The following CIAO1 variants were observed in gnomAD, a reference collection of about 807,000 sequenced individuals.
The protein encoded by CIAO1 is probable cytosolic iron-sulfur protein assembly protein CIAO1.
In CIAO1, 32 loss-of-function variants were observed where a neutral mutation model predicts 43.1. The ratio of observed to expected loss-of-function variants is 0.74; its 90% confidence interval spans 0.56 to 1.00. CIAO1 has a LOEUF of 1.00. CIAO1 is among the 50% of genes least tolerant of loss of function. The pLI is 0.00. For missense variants in CIAO1, 415 were observed against 437.4 expected (o/e 0.95, Z 0.46); for synonymous variants, 183 against 171.4 (o/e 1.07, Z -0.53).
At position 96,272,928 on chromosome 2, in the gene CIAO1, CAGTTG is replaced by C. The variant is rs1684581979; in HGVS notation, c.*1583_*1587del. ...GGTGCCTTGAGGAAAAGCAGTTACA[CAGTTG>C]AGTTGCAAGCTGAATTGGCTGTGTT... On this transcript the variant is annotated 3_prime_UTR_variant, in exon 7 of 7. Transcript: ENST00000488633. The C allele has an allele frequency of 6.6e-6, 1 of 152,186 alleles. No homozygotes were observed. Among genetic ancestry groups the C allele is most frequent in the African/African-American group, 2.4e-5 (1 of 41,456 alleles). The allele number at this position is 152,186 out of a possible 1,614,324, so 9.4% of individuals were successfully genotyped here.
chr2:96,270,372 G>T (rs1179444048), intron 6 of CIAO1, among the ~76,000 whole-genome samples: 1 of 152,094 alleles, frequency 6.6e-6, no homozygotes, highest in Non-Finnish European at 1.5e-5. Flanking sequence ...GGGCGTGTTG[G>T]CACGCACCCA....
At position 96,269,342 on chromosome 2, in the gene CIAO1, T is replaced by C; in HGVS notation, c.766T>C (p.Tyr256His). The C allele has an allele frequency of 6.2e-7, 1 of 1,614,082 alleles. No individual in the cohort carries two copies. The highest frequency in any genetic ancestry group is 8.5e-7 in the Non-Finnish European group (1 of 1,179,950). Residue 256 changes from tyrosine (Y) to histidine (H), a missense_variant, in exon 6 of 7, where the codon TAT becomes CAT. By Grantham distance (83) the Tyr-to-His change is moderately conservative (BLOSUM62 2). Coordinates refer to ENST00000488633, the MANE Select transcript of CIAO1 (RefSeq NM_004804.3). ...TLSGFHSRTI[Y>H]DIAWCQLTGA... ...GTCCGGCTTCCACTCAAGGACCATT[T>C]ATGACATTGCTTGGTAAGACTCCAT...
Position 96,271,579 on chromosome 2 carries a change from A to C in CIAO1, c.*228A>C. The C allele has an allele frequency of 1.9e-6, 1 of 532,970 alleles. No homozygotes were observed. Among genetic ancestry groups the C allele is most frequent in the Non-Finnish European group, 3.3e-6 (1 of 302,244 alleles). 33.0% of individuals were successfully genotyped at this position (532,970 alleles called of 1,614,324 possible). A position where few individuals can be genotyped will look rare whatever the true frequency, so the allele number is the denominator to read the frequency against. On this transcript the variant is annotated 3_prime_UTR_variant, in exon 7 of 7. Coordinates refer to ENST00000488633, the MANE Select transcript of CIAO1 (RefSeq NM_004804.3). ...ACATGAGTACATTGTTATACCACAGATTTTTCTTGCATTAGGGCACAGTGT... is the reference window on the plus strand; with the variant it reads ...ACATGAGTACATTGTTATACCACAGCTTTTTCTTGCATTAGGGCACAGTGT...
At chr2:96,268,794 A>G in intron 5 of CIAO1, 136 bp downstream of exon 5, 1 of 801,200 alleles carries the variant, frequency 1.2e-6, no homozygotes, top group Non-Finnish European at 2.0e-6. Context: ...AGAGTGCTGG[A>G]AGAATCAGGA....
intron 1 of CIAO1, 108 bp from the exon 2 acceptor site, chr2:96,267,213 C>A: frequency 2.2e-6 from 2 of 914,562 alleles, no homozygotes; most frequent in Non-Finnish European, 3.0e-6. Flanking sequence ...GTGAAATACA[C>A]TCCCTGAGCT....
intron 6 of CIAO1, 39 bp downstream of exon 6, chr2:96,269,394 A>G (rs1432935963): frequency 6.4e-7 from 1 of 1,571,622 alleles, no homozygotes; most frequent in Admixed American, 1.7e-5. Flanking sequence ...ATCCCCATAA[A>G]TCAGGGATTT....
At position 96,271,383 on chromosome 2, in the gene CIAO1, C is replaced by T. The variant is rs748078801; in HGVS notation, c.*32C>T. 92 of 1,603,676 alleles carry T rather than the reference C, an allele frequency of 5.7e-5. No homozygotes were observed. Among genetic ancestry groups the T allele is most frequent in the Middle Eastern group, 3.5e-4 (2 of 5,696 alleles). The stretch of plus-strand genomic sequence containing the variant: ...TCGACTTTGGACAGAGTAATGACTC[C>T]CCAGAAAACGTCATATAAGACTTTA... On this transcript the variant is annotated 3_prime_UTR_variant, in exon 7 of 7. Transcript: ENST00000488633.
In CIAO1 at chr2:96,271,387, G is replaced by A; in HGVS notation, c.*36G>A. ...CTTTGGACAGAGTAATGACTCCCCA[G>A]AAAACGTCATATAAGACTTTACCAG... On this transcript the variant is annotated 3_prime_UTR_variant, in exon 7 of 7. Coordinates refer to ENST00000488633, the MANE Select transcript of CIAO1 (RefSeq NM_004804.3). 1 of 1,602,768 alleles carries A rather than the reference G, an allele frequency of 6.2e-7. No individual in the cohort carries two copies. Among genetic ancestry groups the A allele is most frequent in the Non-Finnish European group, 8.5e-7 (1 of 1,174,028 alleles).
Position 96,266,276 on chromosome 2 carries a change from C to CA in CIAO1, c.-74dup, listed in dbSNP as rs1558757363. 7.7e-7 allele frequency: 1 copy of CA among 1,293,648 alleles called. No individual in the cohort carries two copies. Among genetic ancestry groups the CA allele is most frequent in the African/African-American group, 1.5e-5 (1 of 64,952 alleles). The allele number at this position is 1,293,648 out of a possible 1,614,324, so 80.1% of individuals were successfully genotyped here. A position where few individuals can be genotyped will look rare whatever the true frequency, so the allele number is the denominator to read the frequency against. On this transcript the variant is annotated 5_prime_UTR_variant, in exon 1 of 7. Coordinates refer to ENST00000488633, the MANE Select transcript of CIAO1 (RefSeq NM_004804.3). ...GCGGAAGCCTGGAGTGGGCGGTACG[C>CA]AGACGCGCGCGGTGAGACCCGCTGT...
At chr2:96,271,052 G>T in intron 6 of CIAO1, 59 bp from the exon 7 acceptor site, 1 of 1,603,788 alleles carries the variant, frequency 6.2e-7, no homozygotes, top group South Asian at 1.1e-5. Flanking sequence ...AGGAACTATG[G>T]AACAGGTCTC....
chr2:96,267,297 G>C, intron 1 of CIAO1, 24 bp from the exon 2 acceptor site: 1 of 1,600,408 alleles, frequency 6.2e-7, no homozygotes, highest in Non-Finnish European at 8.5e-7. Context: ...CAGCTCCAGA[G>C]CCTGGCCTGC....
chr2:96,267,533 T>G, intron 2 of CIAO1, 64 bp downstream of exon 2: 1 of 1,609,226 alleles, frequency 6.2e-7, no homozygotes, highest in South Asian at 1.1e-5. Flanking sequence ...TTCAGGAACC[T>G]GAGCCAACCT....
At position 96,267,731 on chromosome 2, in the gene CIAO1, G is replaced by A. The variant is rs369566253; in HGVS notation, c.395G>A (p.Trp132Ter). 1.2e-6 allele frequency: 2 copies of A among 1,614,032 alleles called. No individual in the cohort carries two copies. The highest frequency in any genetic ancestry group is 1.7e-6 in the Non-Finnish European group (2 of 1,179,998). The change falls in exon 3 of 7, where the codon TGG (tryptophan) becomes TAG (stop). Residue 132 changes from tryptophan (W) to a stop codon, truncating the protein, a stop_gained. Coordinates refer to ENST00000488633, the MANE Select transcript of CIAO1 (RefSeq NM_004804.3). LOFTEE classifies it high-confidence loss of function. ...AGCCGAGATAAGAGCGTTTGGGTCT[G>A]GGAAGGTGAGGCCAGGTCCCTCCAG... ...TCSRDKSVWVWEVDEEDEYEC... is the reference protein window; with the variant it reads ...TCSRDKSVWV
In CIAO1 at chr2:96,271,448, C is replaced by T. The variant is rs1250349063; in HGVS notation, c.*97C>T. ...GACCAGGAGGAGCATCCTTGACCTT[C>T]ATTTAACTTGGCTCACTTCTCTTCA... On this transcript the variant is annotated 3_prime_UTR_variant, in exon 7 of 7. Coordinates refer to ENST00000488633, the MANE Select transcript of CIAO1 (RefSeq NM_004804.3). 6.9e-7 allele frequency: 1 copy of T among 1,442,558 alleles called. No individual in the cohort carries two copies. The highest frequency in any genetic ancestry group is 9.3e-7 in the Non-Finnish European group (1 of 1,072,884). The allele number at this position is 1,442,558 out of a possible 1,614,324, so 89.4% of individuals were successfully genotyped here.
chr2:96,267,571 G>C, intron 2 of CIAO1, 54 bp from the exon 3 acceptor site: 5 of 1,608,486 alleles, frequency 3.1e-6, no homozygotes, highest in Non-Finnish European at 4.3e-6. Context: ...CCCATGGGAA[G>C]GGGCTTAGGG....
chr2:96,270,822 A>T (rs558221767), intron 6 of CIAO1, among the ~76,000 whole-genome samples: 1 of 152,098 alleles, frequency 6.6e-6, no homozygotes, highest in East Asian at 1.9e-4. Context: ...AAAAAAAAAA[A>T]AAAAAACAAC....
rs201951574 is a variant in CIAO1 at position 96,267,922 on chromosome 2, G to C, written c.487G>C (p.Glu163Gln). ...GCATGTGGTTTGGCACCCAAGTCAG[G>C]AGGTAAGAGTCAAGCAGGGACTCTT... ...VKHVVWHPSQ[E>Q]LLASASYDDT... Residue 163 changes from glutamate (E) to glutamine (Q), a missense_variant and splice_region_variant, in exon 4 of 7, where the codon GAG becomes CAG. Physicochemically the swap from Glu to Gln is conservative, Grantham distance 29. Transcript: ENST00000488633. 102 of 1,613,804 alleles carry C rather than the reference G, an allele frequency of 6.3e-5. No homozygotes were observed. The African/African-American group carries it at 1.2e-3, about 19-fold the overall frequency.
intron 5 of CIAO1, 55 bp downstream of exon 5, chr2:96,268,713 T>C (rs1684485340): frequency 1.3e-6 from 2 of 1,571,588 alleles, no homozygotes; most frequent in East Asian, 4.5e-5. Flanking sequence ...GTTCACAGTC[T>C]GCTAAGACAC....
At chr2:96,268,847 A>C in intron 5 of CIAO1, 189 bp downstream of exon 5, 1 of 600,902 alleles carries the variant, frequency 1.7e-6, no homozygotes, top group Non-Finnish European at 2.9e-6. Context: ...TTAAAAGGGT[A>C]TGTAGGATTT....
Sources: gnomAD v4.1 joint callset for allele counts (sites outside exome capture counted in the v4.1 genomes callset) on GRCh38, gnomAD v4.1.1 for gene constraint, MANE v1.5 for transcripts, NCBI Gene and HGNC (gene_info 2026-07-23, HGNC 2026-07-21) for gene names.